The following MEGF6 variants were observed in gnomAD, a reference collection of about 807,000 sequenced individuals.
MEGF6 encodes multiple epidermal growth factor-like domains protein 6.
Under a neutral mutation model 207.1 loss-of-function variants are expected in MEGF6, and 184 were observed. That is an observed-to-expected ratio of 0.89 (90% confidence interval 0.79 to 1.00). The LOEUF (loss-of-function observed/expected upper bound fraction) is 1.00. MEGF6 is among the 50% of genes least tolerant of loss of function. MEGF6 has a pLI of 0.00. For missense variants in MEGF6, 2,282 were observed against 2,202.9 expected, an observed-to-expected ratio of 1.04 and a Z score of -0.72; for synonymous variants, 1,038 against 910.0, an observed-to-expected ratio of 1.14 and a Z score of -2.53.
chr1:3,596,767 C>T (rs1219914292), intron 2 of MEGF6, among the ~76,000 whole-genome samples: 1 of 151,910 alleles, frequency 6.6e-6, no homozygotes, highest in African/African-American at 2.4e-5. Flanking sequence ...AGCCCCCACG[C>T]ATGGGAAGTC....
intron 1 of MEGF6, among the ~76,000 whole-genome samples, chr1:3,610,335 C>T (rs1221236604): frequency 2.0e-5 from 3 of 152,190 alleles, no homozygotes; most frequent in Non-Finnish European, 2.9e-5. Flanking sequence ...GAGTGCTGGA[C>T]GGGAACAGCC....
chr1:3,499,208 C>T lies in MEGF6; in HGVS notation c.3024G>A (p.Gly1008=), dbSNP rs1260633960. Residue 1008 remains glycine, a synonymous_variant, in exon 24 of 37, where the codon GGG becomes GGA. Transcript: ENST00000356575. ...NCSQACACFN[G]ASCDPVHGQC... ...GCCCGTGGACAGGGTCACAGGAGGCCCCGTTAAAGCAGGCACAGGCCTGGC... is the reference window on the plus strand; with the variant it reads ...GCCCGTGGACAGGGTCACAGGAGGCTCCGTTAAAGCAGGCACAGGCCTGGC... 11 of 1,604,776 alleles carry T rather than the reference C, an allele frequency of 6.9e-6. No individual in the cohort carries two copies. The highest frequency in any genetic ancestry group is 9.3e-6 in the Non-Finnish European group (11 of 1,176,818).
At position 3,509,902 on chromosome 1, in the gene MEGF6, T is replaced by G. The variant is rs940194933; in HGVS notation, c.1325A>C (p.Tyr442Ser). Residue 442 changes from tyrosine (Y) to serine (S), a missense_variant, in exon 11 of 37, where the codon TAC becomes TCC. Coordinates refer to ENST00000356575, the MANE Select transcript of MEGF6 (RefSeq NM_001409.4). ...GCCCCTACGGTCCTCGTGCAGCCGG[T>G]AGCCGGCCTCGCAGGAGCACTGGAA... ...GSFQCSCEAG[Y>S]RLHEDRRGCS... is the part of the protein sequence containing the mutation. 14 of 1,561,332 alleles carry G rather than the reference T, an allele frequency of 9.0e-6. No homozygotes were observed. Among genetic ancestry groups the G allele is most frequent in the Admixed American group, 1.9e-5 (1 of 52,378 alleles).
At chr1:3,524,345 C>T (rs1641881091) in intron 4 of MEGF6, 99 bp from the exon 5 acceptor site, 1 of 1,506,080 alleles carries the variant, frequency 6.6e-7, no homozygotes, top group Non-Finnish European at 9.0e-7. Flanking sequence ...CCAGGTCCCT[C>T]CCGTGCCTCG....
At chr1:3,501,336 T>C in intron 18 of MEGF6, 28 bp from the exon 19 acceptor site, 1 of 1,573,870 alleles carries the variant, frequency 6.4e-7, no homozygotes. Context: ...GGCCAGTCAG[T>C]GCCCAAGCTG....
chr1:3,544,097 C>T (rs540524929), intron 4 of MEGF6, among the ~76,000 whole-genome samples: 10 of 152,242 alleles, frequency 6.6e-5, no homozygotes, highest in Admixed American at 2.6e-4. Context: ...GTCTGTCTTC[C>T]GGGGCCTGAC....
intron 12 of MEGF6, 116 bp from the exon 13 acceptor site, chr1:3,508,805 T>A (rs1038417905): frequency 3.0e-5 from 40 of 1,338,724 alleles, no homozygotes; most frequent in African/African-American, 4.4e-5. Flanking sequence ...CCTCGGCCCA[T>A]GAGGGCCCCC....
upstream of MEGF6, among the ~76,000 whole-genome samples, chr1:3,612,008 G>C (rs539234188): frequency 6.6e-6 from 1 of 152,262 alleles, no homozygotes; most frequent in African/African-American, 2.4e-5. Context: ...GCCTCGGCTT[G>C]TCCTGCCCGT....
At chr1:3,572,137 C>G (rs112983350) in intron 4 of MEGF6, among the ~76,000 whole-genome samples, 1,884 of 100,980 alleles carry the variant, frequency 0.019, 13 homozygotes, top group Middle Eastern at 0.035. Flanking sequence ...GTTCTCCCAG[C>G]TATGCTGGGT....
At chr1:3,496,846 C>T (rs567739888) in intron 28 of MEGF6, 63 bp from the exon 29 acceptor site, 15 of 1,529,512 alleles carry the variant, frequency 9.8e-6, no homozygotes, top group African/African-American at 8.2e-5. Context: ...CCCCTGAACA[C>T]AGCAAGGCAG....
intron 2 of MEGF6, among the ~76,000 whole-genome samples, chr1:3,600,360 C>A (rs1644138397): frequency 6.6e-6 from 1 of 152,222 alleles, no homozygotes; most frequent in African/African-American, 2.4e-5. Flanking sequence ...TGCTGGGGTC[C>A]CCACCAGTTC....
chr1:3,580,962 G>A (rs560226381), intron 3 of MEGF6, among the ~76,000 whole-genome samples: 3 of 152,216 alleles, frequency 2.0e-5, no homozygotes, highest in Admixed American at 1.3e-4. Flanking sequence ...TGGCTGGGCT[G>A]GGGCTCCTGG....
chr1:3,612,198 T>A (rs2101921945), upstream of MEGF6, among the ~76,000 whole-genome samples: 1 of 152,214 alleles, frequency 6.6e-6, no homozygotes, highest in South Asian at 2.1e-4. Flanking sequence ...TTCCTCTTTC[T>A]GTGCTGCATG....
intron 4 of MEGF6, among the ~76,000 whole-genome samples, chr1:3,530,053 C>T (rs896630779): frequency 3.9e-5 from 6 of 152,210 alleles, no homozygotes; most frequent in East Asian, 1.9e-4. Context: ...TCCCAGCTCC[C>T]GAGCGCCCAG....
upstream of MEGF6, among the ~76,000 whole-genome samples, chr1:3,615,813 G>A (rs961404994): frequency 5.9e-5 from 9 of 152,094 alleles, no homozygotes; most frequent in African/African-American, 1.2e-4. Flanking sequence ...ACCTGGCCTC[G>A]ACTGCTTCAG....
rs766122510 is a variant in MEGF6 at position 3,508,637 on chromosome 1, G to A, written c.1581C>T (p.Cys527=). 4.3e-6 allele frequency: 7 copies of A among 1,613,414 alleles called. No homozygotes were observed. The African/African-American group carries it at 8.0e-5, about 18-fold the overall frequency. ...CCAGGAGGCAGGTCCCTCCGTTCCTGCAGTCATCACAGGTCAAGCTGCAGT... is the reference window on the plus strand; with the variant it reads ...CCAGGAGGCAGGTCCCTCCGTTCCTACAGTCATCACAGGTCAAGCTGCAGT... ...GHDCSLTCDD[C]RNGGTCLLGL... Residue 527 remains cysteine (C), a synonymous_variant, in exon 13 of 37, where the codon TGC becomes TGT. Transcript: ENST00000356575.
In MEGF6 at chr1:3,488,888, T is replaced by C. The variant is rs1640242758; in HGVS notation, c.*1640A>G. Among the ~76,000 whole-genome samples the C allele has an allele frequency of 6.6e-6, 1 of 152,240 alleles. No individual in the cohort carries two copies. Among genetic ancestry groups the C allele is most frequent in the African/African-American group, 2.4e-5 (1 of 41,458 alleles). On this transcript the variant is annotated 3_prime_UTR_variant, in exon 37 of 37. Coordinates refer to ENST00000356575, the MANE Select transcript of MEGF6 (RefSeq NM_001409.4). The stretch of plus-strand genomic sequence containing the variant: ...AGATCTGAGAACGTCTTGGTCGTCG[T>C]TGCTTCATGTCAATGACTTCTTACT...
chr1:3,610,725 G>T (rs952891490), intron 1 of MEGF6, among the ~76,000 whole-genome samples: 1 of 152,248 alleles, frequency 6.6e-6, no homozygotes, highest in African/African-American at 2.4e-5. Flanking sequence ...GCTCGCCCCT[G>T]CGAAGGCCCC....
At chr1:3,522,246 C>T (rs1291406585) in intron 5 of MEGF6, among the ~76,000 whole-genome samples, 1 of 152,182 alleles carries the variant, frequency 6.6e-6, no homozygotes, top group Non-Finnish European at 1.5e-5. Context: ...GACAGGCTGG[C>T]ACGCAGGCGA....
Sources: gnomAD v4.1 joint callset for allele counts (sites outside exome capture counted in the v4.1 genomes callset) on GRCh38, gnomAD v4.1.1 for gene constraint, MANE v1.5 for transcripts, NCBI Gene and HGNC (gene_info 2026-07-23, HGNC 2026-07-21) for gene names.